The following ADAMTSL1 variants were observed in gnomAD, a reference collection of about 807,000 sequenced individuals.
ADAMTSL1 encodes the protein ADAMTS like 1.
In ADAMTSL1, 126 loss-of-function variants were observed where a neutral mutation model predicts 201.8. That is an observed-to-expected ratio of 0.62 (90% CI 0.54 to 0.72). The LOEUF (loss-of-function observed/expected upper bound fraction) is 0.72. ADAMTSL1 is among the 30% of genes least tolerant of loss of function. The pLI, the probability that ADAMTSL1 is intolerant of heterozygous loss-of-function variation, is 0.00. For synonymous variants in ADAMTSL1, 1,121 were observed against 903.4 expected, an observed-to-expected ratio of 1.24 and a Z score of -4.32; for missense variants, 2,679 against 2,277.8, an observed-to-expected ratio of 1.18 and a Z score of -3.59.
intron 4 of ADAMTSL1, among the ~76,000 whole-genome samples, chr9:18,581,759 T>A (rs970681185): frequency 2.0e-5 from 3 of 152,282 alleles, no homozygotes; most frequent in East Asian, 3.9e-4. Context: ...GTCCTAAGCA[T>A]GTCTGATACC....
At chr9:18,348,637 C>T (rs746008815) in intron 2 of ADAMTSL1, among the ~76,000 whole-genome samples, 4 of 152,162 alleles carry the variant, frequency 2.6e-5, no homozygotes, top group African/African-American at 9.7e-5. Flanking sequence ...GGACCAACTG[C>T]AGACTTCCTT....
intron 26 of ADAMTSL1, among the ~76,000 whole-genome samples, chr9:18,901,141 C>A: frequency 7.1e-6 from 1 of 140,738 alleles, no homozygotes; most frequent in Admixed American, 7.5e-5. Context: ...AGCCCTTTTT[C>A]TTTATTTAAA....
Position 18,908,471 on chromosome 9 carries a change from G to T in ADAMTSL1, c.5212G>T (p.Glu1738Ter). ...GTGCAGAGACACCACCAGGTACTGC[G>T]AGAAGGTGAAACAGCTGAAACTCTG... ...MECRDTTRYC[E>*]KVKQLKLCQL... Residue 1738 changes from glutamate to a stop codon, truncating the protein, a stop_gained, in exon 29 of 29, where the codon GAG becomes TAG. Coordinates refer to ENST00000380548, the MANE Select transcript of ADAMTSL1 (RefSeq NM_001040272.6). LOFTEE classifies it high-confidence loss of function. 6.4e-7 allele frequency: 1 copy of T among 1,562,232 alleles called. No individual in the cohort carries two copies. The highest frequency in any genetic ancestry group is 8.7e-7 in the Non-Finnish European group (1 of 1,153,342).
chr9:18,508,842 C>A (rs1817838234), intron 2 of ADAMTSL1, among the ~76,000 whole-genome samples: 1 of 151,874 alleles, frequency 6.6e-6, no homozygotes, highest in Non-Finnish European at 1.5e-5. Context: ...TAAATATGGC[C>A]CTAAATCAGT....
At position 18,154,131 on chromosome 9, in the gene ADAMTSL1, C is replaced by T. The variant is rs186966840; in HGVS notation, c.88-9731C>T. On this transcript the variant is annotated intron_variant, in intron 1 of 29. Transcript: ENST00000680146. ...GGATAACCTAGAAAGAAAAGCACCC[C>T]TTTTTTGTGCTTCTGAAAGCAAACG... Among the ~76,000 whole-genome samples, 340 of 152,064 alleles carry T rather than the reference C, an allele frequency of 2.2e-3. 1 individual carries two copies. The highest frequency in any genetic ancestry group is 3.0e-3 in the Non-Finnish European group (205 of 67,950).
intron 1 of ADAMTSL1, among the ~76,000 whole-genome samples, chr9:18,152,019 C>G (rs1826939275): frequency 6.6e-6 from 1 of 152,060 alleles, no homozygotes; most frequent in Non-Finnish European, 1.5e-5. Flanking sequence ...TATTACCAAA[C>G]TCTGTATAGC....
intron 2 of ADAMTSL1, among the ~76,000 whole-genome samples, chr9:18,407,693 G>T (rs549536580): frequency 6.6e-6 from 1 of 152,328 alleles, no homozygotes; most frequent in South Asian, 2.1e-4. Flanking sequence ...ATGAGGATCA[G>T]TGAAGAGGTA....
At chr9:18,652,582 TAATA>T (rs1337589890) in intron 7 of ADAMTSL1, among the ~76,000 whole-genome samples, 2 of 152,206 alleles carry the variant, frequency 1.3e-5, no homozygotes, top group Non-Finnish European at 1.5e-5. Flanking sequence ...GCACAGTACT[TAATA>T]AATTATATGA....
chr9:18,603,365 GCTAT>G (rs1167021409), intron 4 of ADAMTSL1, among the ~76,000 whole-genome samples: 2 of 150,588 alleles, frequency 1.3e-5, no homozygotes, highest in Non-Finnish European at 1.5e-5. Flanking sequence ...GCTATGCTAT[GCTAT>G]GCTATGCTAT....
At chr9:18,414,919 C>T (rs1818607660) in intron 2 of ADAMTSL1, among the ~76,000 whole-genome samples, 1 of 152,162 alleles carries the variant, frequency 6.6e-6, no homozygotes, top group African/African-American at 2.4e-5. Flanking sequence ...TTCCCACAAA[C>T]CAAACTGGAA....
intron 2 of ADAMTSL1, among the ~76,000 whole-genome samples, chr9:18,229,733 T>C (rs1366566327): frequency 3.3e-5 from 5 of 152,034 alleles, no homozygotes; most frequent in Admixed American, 1.3e-4. Context: ...TTCACTCTTG[T>C]TGCCCAGGCT....
chr9:18,702,764 G>GA (rs1473687463), intron 13 of ADAMTSL1, among the ~76,000 whole-genome samples: 68 of 150,012 alleles, frequency 4.5e-4, no homozygotes, highest in African/African-American at 9.7e-4. Context: ...CTAACAAAAA[G>GA]AGTTTTTTTT....
intron 2 of ADAMTSL1, among the ~76,000 whole-genome samples, chr9:18,393,169 C>T (rs1001255211): frequency 1.3e-5 from 2 of 152,218 alleles, no homozygotes; most frequent in African/African-American, 4.8e-5. Flanking sequence ...CTCCAACTTA[C>T]ACAGTCTATT....
chr9:18,838,792 G>A (rs1406904723), intron 23 of ADAMTSL1, among the ~76,000 whole-genome samples: 1 of 151,560 alleles, frequency 6.6e-6, no homozygotes, highest in East Asian at 1.9e-4. Context: ...CCTGGAGGGA[G>A]GCTGCAAGTG....
chr9:18,248,680 T>C (rs1249392469), intron 2 of ADAMTSL1, among the ~76,000 whole-genome samples: 1 of 152,228 alleles, frequency 6.6e-6, no homozygotes, highest in Non-Finnish European at 1.5e-5. Context: ...ATTCAGTTCC[T>C]GGACTGCGGC....
chr9:18,724,020 C>T (rs887483490), intron 15 of ADAMTSL1: 2 of 152,210 alleles, frequency 1.3e-5, no homozygotes, highest in Non-Finnish European at 2.9e-5. Context: ...GTTCAGCGTT[C>T]CCTGTACATT....
At chr9:18,193,556 A>T (rs1829055274) in intron 2 of ADAMTSL1, among the ~76,000 whole-genome samples, 1 of 152,042 alleles carries the variant, frequency 6.6e-6, no homozygotes, top group Non-Finnish European at 1.5e-5. Context: ...AATTTCAGAG[A>T]TTGCTTTGAT....
At chr9:17,986,315 G>T (rs775696398) in intron 1 of ADAMTSL1, among the ~76,000 whole-genome samples, 1 of 151,852 alleles carries the variant, frequency 6.6e-6, no homozygotes, top group Non-Finnish European at 1.5e-5. Context: ...TTCAGTTCTG[G>T]CCCTCTCTGA....
At chr9:18,479,243 A>G (rs552316989) in intron 1 of ADAMTSL1, among the ~76,000 whole-genome samples, 1 of 152,314 alleles carries the variant, frequency 6.6e-6, no homozygotes, top group East Asian at 1.9e-4. Context: ...CCCAGCATGG[A>G]GGGCAGTTAG....
Sources: gnomAD v4.1 joint callset for allele counts (sites outside exome capture counted in the v4.1 genomes callset) on GRCh38, gnomAD v4.1.1 for gene constraint, MANE v1.5 for transcripts, NCBI Gene and HGNC (gene_info 2026-07-23, HGNC 2026-07-21) for gene names.